The following PGM2L1 variants were observed in gnomAD, a reference collection of about 807,000 sequenced individuals.
PGM2L1 encodes phosphoglucomutase 2 like 1.
In PGM2L1, 35 loss-of-function variants were observed where a neutral mutation model predicts 73.4. The observed-to-expected ratio is 0.48, with a 90% CI of 0.36 to 0.63. The LOEUF is 0.63. PGM2L1 is among the 30% of genes least tolerant of loss of function. The pLI is 0.00. For synonymous variants in PGM2L1, 225 were observed against 253.8 expected, an observed-to-expected ratio of 0.89 and a Z score of 1.08; for missense variants, 570 against 742.0, an observed-to-expected ratio of 0.77 and a Z score of 2.69.
At chr11:74,397,767 A>T (rs1393024646) in intron 1 of PGM2L1, 2 of 115,484 alleles carry the variant, frequency 1.7e-5, no homozygotes, top group Non-Finnish European at 3.6e-5. Context: ...TTTTTTTTGA[A>T]GAAAGAGGGA....
At chr11:74,363,411 G>C (rs1478805454) in intron 5 of PGM2L1, among the ~76,000 whole-genome samples, 1 of 151,976 alleles carries the variant, frequency 6.6e-6, no homozygotes, top group Non-Finnish European at 1.5e-5. Flanking sequence ...GAAGGAGATA[G>C]AGACACAGAA....
At chr11:74,381,347 C>T (rs530870578) in intron 1 of PGM2L1, among the ~76,000 whole-genome samples, 35 of 152,246 alleles carry the variant, frequency 2.3e-4, no homozygotes, top group Admixed American at 7.2e-4. Flanking sequence ...CCCACCACTC[C>T]TCTTTCCCCA....
chr11:74,386,334 T>C (rs777165378), intron 1 of PGM2L1, among the ~76,000 whole-genome samples: 53 of 152,128 alleles, frequency 3.5e-4, no homozygotes, highest in Admixed American at 1.2e-3. Context: ...GTTTTTATTT[T>C]TCACAATGGC....
At chr11:74,343,438 T>TG (rs767052709) in intron 9 of PGM2L1, 22 bp from the exon 10 acceptor site, 1 of 1,601,304 alleles carries the variant, frequency 6.2e-7, no homozygotes, top group South Asian at 1.1e-5. Flanking sequence ...AGGAGGCCAC[T>TG]CTAGTTAAGT....
intron 5 of PGM2L1, chr11:74,355,710 C>A: frequency 1.9e-6 from 1 of 513,498 alleles, no homozygotes; most frequent in East Asian, 5.5e-5. Flanking sequence ...GCTATGGCAG[C>A]AGCAGCAGAT....
At position 74,371,767 on chromosome 11, in the gene PGM2L1, G is replaced by A. The variant is rs761394899; in HGVS notation, c.330C>T (p.Gly110=). 1.2e-6 allele frequency: 2 copies of A among 1,613,866 alleles called. No individual in the cohort carries two copies. Among genetic ancestry groups the A allele is most frequent in the Admixed American group, 1.7e-5 (1 of 60,004 alleles). The change falls in exon 3 of 14, where the codon GGC becomes GGT. Residue 110 remains glycine (G), a synonymous_variant. Transcript: ENST00000298198. ...CCCGAGTGTCATACCCAACCACAAA[G>A]CCTCTCTGCTTGAAGTCTGAGAAAC... is the stretch of plus-strand genomic sequence containing the variant. ...ERCFSDFKQR[G]FVVGYDTRGQ... is the part of the protein sequence containing the mutation.
At chr11:74,341,598 A>C (rs1252698461) in intron 12 of PGM2L1, among the ~76,000 whole-genome samples, 1 of 149,958 alleles carries the variant, frequency 6.7e-6, no homozygotes, top group Non-Finnish European at 1.5e-5. Context: ...AGGCTGAGGC[A>C]GGAGAATCAG....
intron 1 of PGM2L1, among the ~76,000 whole-genome samples, chr11:74,381,627 G>T (rs2134943587): frequency 7.3e-6 from 1 of 136,442 alleles, no homozygotes; most frequent in South Asian, 2.4e-4. Flanking sequence ...TGCTCAGGCT[G>T]GAGTACAGTG....
chr11:74,351,303 ACACTTTTTAT>A lies in PGM2L1; in HGVS notation c.749+70_749+79del, dbSNP rs149649729. 5.2e-3 allele frequency: 6,934 copies of A among 1,335,786 alleles called. 291 individuals are homozygous for A. In the African/African-American group the frequency reaches 0.092, roughly 18 times the overall value. 82.7% of individuals were successfully genotyped at this position (1,335,786 alleles called of 1,614,324 possible). On this transcript the variant is annotated intron_variant, in intron 6 of 13. Coordinates refer to ENST00000298198, the MANE Select transcript of PGM2L1 (RefSeq NM_173582.6). The stretch of plus-strand genomic sequence containing the variant: ...ATAATTTTAATCTAATAAATAGACA[ACACTTTTTAT>A]CACTTTTTATTCTCCTCATTCTTTA...
chr11:74,358,607 C>T (rs79902878), intron 5 of PGM2L1, among the ~76,000 whole-genome samples: 5,780 of 152,226 alleles, frequency 0.038, 123 homozygotes, highest in Middle Eastern at 0.092. Context: ...TTCACCTCTA[C>T]GCCAGGTGCA....
At chr11:74,355,502 C>T (rs1188000795) in intron 5 of PGM2L1, 10 of 338,042 alleles carry the variant, frequency 3.0e-5, no homozygotes, top group African/African-American at 6.9e-5. Context: ...TGCAGTGAGC[C>T]GAGATCGCGC....
At chr11:74,397,931 G>GC (rs1469418724) in intron 1 of PGM2L1, 120 bp downstream of exon 1, 3 of 1,376,370 alleles carry the variant, frequency 2.2e-6, no homozygotes, top group Non-Finnish European at 1.9e-6. Context: ...CTGCTCCGCT[G>GC]CCCCCCGCTC....
chr11:74,357,547 G>A (rs1862478128), intron 5 of PGM2L1, among the ~76,000 whole-genome samples: 1 of 152,222 alleles, frequency 6.6e-6, no homozygotes, highest in South Asian at 2.1e-4. Flanking sequence ...CAAGGATGTG[G>A]AGCAACAGGA....
chr11:74,384,138 C>G (rs185449637), intron 1 of PGM2L1, among the ~76,000 whole-genome samples: 41 of 151,930 alleles, frequency 2.7e-4, no homozygotes, highest in African/African-American at 9.9e-4. Context: ...CCACTCCCCC[C>G]GCATCCTTTT....
chr11:74,397,688 C>T (rs994715897), intron 1 of PGM2L1: 4 of 169,542 alleles, frequency 2.4e-5, no homozygotes, highest in African/African-American at 9.8e-5. Flanking sequence ...AGAAGGAAGT[C>T]AAGGGAGAAA....
At chr11:74,397,817 G>A in intron 1 of PGM2L1, 2 of 429,158 alleles carry the variant, frequency 4.7e-6, no homozygotes, top group Non-Finnish European at 3.9e-6. Context: ...GAAGAGGAAG[G>A]GAGGTTACAA....
chr11:74,378,589 C>A (rs1402563629), intron 1 of PGM2L1, among the ~76,000 whole-genome samples: 14 of 152,110 alleles, frequency 9.2e-5, no homozygotes, highest in Admixed American at 9.2e-4. Context: ...ACATTATTTT[C>A]AAATTTTACC....
chr11:74,345,216 T>C (rs1222776016), intron 9 of PGM2L1, among the ~76,000 whole-genome samples: 1 of 152,200 alleles, frequency 6.6e-6, no homozygotes, highest in Non-Finnish European at 1.5e-5. Flanking sequence ...AGATATTTGT[T>C]GTACAGAATA....
intron 5 of PGM2L1, among the ~76,000 whole-genome samples, chr11:74,357,897 T>C (rs1011760723): frequency 6.6e-6 from 1 of 152,210 alleles, no homozygotes; most frequent in Admixed American, 6.5e-5. Flanking sequence ...AGGGAATTAC[T>C]ACGTGAAAGA....
Sources: gnomAD v4.1 joint callset for allele counts (sites outside exome capture counted in the v4.1 genomes callset) on GRCh38, gnomAD v4.1.1 for gene constraint, MANE v1.5 for transcripts, NCBI Gene and HGNC (gene_info 2026-07-23, HGNC 2026-07-21) for gene names.